The following WDR31 variants were observed in gnomAD, a reference collection of about 807,000 sequenced individuals.
WDR31 encodes WD repeat-containing protein 31.
In WDR31, 30 loss-of-function variants were observed where a neutral mutation model predicts 47.3. The ratio of observed to expected loss-of-function variants is 0.63; its 90% confidence interval spans 0.47 to 0.86. The LOEUF (loss-of-function observed/expected upper bound fraction) is 0.86, where lower values mean the gene tolerates loss of function less well. Among genes scored for constraint, WDR31 ranks in the 40% least tolerant of loss-of-function variants. WDR31 has a pLI of 0.00. For synonymous variants in WDR31, 137 were observed against 159.4 expected (o/e 0.86, Z 1.06); for missense variants, 406 against 442.9 (o/e 0.92, Z 0.75).
intron 4 of WDR31, among the ~76,000 whole-genome samples, chr9:113,329,331 G>GT (rs61111179): frequency 0.069 from 10,076 of 145,606 alleles, 619 homozygotes; most frequent in East Asian, 0.35. Context: ...TTGTTGTGGT[G>GT]TTTTTTTTTT....
At chr9:113,334,703 C>CTTTTTTTT (rs71367719) in intron 2 of WDR31, among the ~76,000 whole-genome samples, 6,101 of 62,144 alleles carry the variant, frequency 0.098, 1 homozygote, top group Non-Finnish European at 0.11. Flanking sequence ...CTACATCAGG[C>CTTTTTTTT]TTTTTTTTTT....
intron 5 of WDR31, among the ~76,000 whole-genome samples, chr9:113,328,254 T>A (rs1442038603): frequency 1.3e-5 from 2 of 152,218 alleles, no homozygotes; most frequent in Admixed American, 6.5e-5. Flanking sequence ...GTGTTCTCTA[T>A]CAGTCTAGTT....
chr9:113,329,582 G>A (rs1422001834), intron 4 of WDR31, among the ~76,000 whole-genome samples: 1 of 152,014 alleles, frequency 6.6e-6, no homozygotes, highest in Non-Finnish European at 1.5e-5. Context: ...GGAGATTGCA[G>A]TGAGCCACCC....
At chr9:113,321,348 T>C (rs1330220070) in intron 8 of WDR31, 163 bp downstream of exon 8, 3 of 656,614 alleles carry the variant, frequency 4.6e-6, no homozygotes, top group African/African-American at 3.7e-5. Context: ...TAATGATCCA[T>C]GGGGCCAAAG....
chr9:113,338,192 T>C (rs1833757823), intron 1 of WDR31, among the ~76,000 whole-genome samples: 1 of 152,234 alleles, frequency 6.6e-6, no homozygotes, highest in Non-Finnish European at 1.5e-5. Flanking sequence ...CTGTTCATAA[T>C]GCACAAATAT....
At position 113,331,108 on chromosome 9, in the gene WDR31, T is replaced by A; in HGVS notation, c.125A>T (p.Asp42Val). 2.9e-6 allele frequency: 4 copies of A among 1,386,560 alleles called. No homozygotes were observed. Among genetic ancestry groups the A allele is most frequent in the Non-Finnish European group, 3.8e-6 (4 of 1,041,682 alleles). The allele number at this position is 1,386,560 out of a possible 1,614,324, so 85.9% of individuals were successfully genotyped here. ...KHSTYKYGRP[D>V]EIIEERIQTK... is the part of the protein sequence containing the mutation. Reference sequence around the variant, plus strand: ...TTGAATTCTCTCTTCTATAATTTCATCAGGCCTGCTAAAAAGAGTATAGAA... The same window carrying A: ...TTGAATTCTCTCTTCTATAATTTCAACAGGCCTGCTAAAAAGAGTATAGAA... Residue 42 changes from aspartate (D) to valine (V), a missense_variant, in exon 4 of 11, where the codon GAT becomes GTT. Physicochemically the swap from Asp to Val is radical, Grantham distance 152. Coordinates refer to ENST00000374193, the MANE Select transcript of WDR31 (RefSeq NM_001012361.4).
chr9:113,324,585 T>G (rs999881887), intron 5 of WDR31, among the ~76,000 whole-genome samples: 1 of 151,920 alleles, frequency 6.6e-6, no homozygotes, highest in Non-Finnish European at 1.5e-5. Flanking sequence ...AGACAGGGTT[T>G]TGCCATGTTG....
intron 8 of WDR31, 124 bp from the exon 9 acceptor site, chr9:113,320,622 A>T: frequency 1.6e-6 from 2 of 1,252,546 alleles, no homozygotes; most frequent in South Asian, 3.3e-5. Flanking sequence ...GAATGGCATG[A>T]TTTACCTAAA....
chr9:113,328,689 T>C lies in WDR31; in HGVS notation c.324+192A>G, dbSNP rs116812224. Among the ~76,000 whole-genome samples the C allele has an allele frequency of 6.0e-3, 912 of 152,358 alleles. 10 individuals carry two copies. The highest frequency in any genetic ancestry group is 0.021 in the African/African-American group (860 of 41,588). On this transcript the variant is annotated intron_variant, in intron 5 of 10. Coordinates refer to ENST00000374193, the MANE Select transcript of WDR31 (RefSeq NM_001012361.4). ...GGGCTTAATGACAAAAGAAAAATTGTGTTCGATATGCCTGTAACAACAACT... is the reference window on the plus strand; with the variant it reads ...GGGCTTAATGACAAAAGAAAAATTGCGTTCGATATGCCTGTAACAACAACT...
At chr9:113,317,014 C>A in intron 10 of WDR31, 105 bp from the exon 11 acceptor site, 1 of 1,360,554 alleles carries the variant, frequency 7.3e-7, no homozygotes. Context: ...CTGTACATAT[C>A]TAACCCGTAT....
At chr9:113,322,368 A>G (rs1447294388) in intron 7 of WDR31, among the ~76,000 whole-genome samples, 1 of 152,128 alleles carries the variant, frequency 6.6e-6, no homozygotes, top group Admixed American at 6.6e-5. Flanking sequence ...TGCTACTAGA[A>G]AACAACTGGT....
At chr9:113,321,011 A>G (rs2118785145) in intron 8 of WDR31, among the ~76,000 whole-genome samples, 1 of 152,226 alleles carries the variant, frequency 6.6e-6, no homozygotes. Flanking sequence ...ACCATTTTCT[A>G]AGGAGAATCT....
chr9:113,321,460 G>A (rs1444032308), intron 8 of WDR31, 51 bp downstream of exon 8: 1 of 1,575,260 alleles, frequency 6.3e-7, no homozygotes, highest in Admixed American at 1.7e-5. Context: ...TGTATGCATG[G>A]GAGCCACAAA....
intron 2 of WDR31, among the ~76,000 whole-genome samples, chr9:113,332,272 G>A (rs559791093): frequency 1.5e-4 from 23 of 152,268 alleles, no homozygotes; most frequent in Admixed American, 1.1e-3. Context: ...ATTGCCATAC[G>A]GTCCAGCCAT....
intron 10 of WDR31, 149 bp downstream of exon 10, chr9:113,318,326 A>G: frequency 1.2e-6 from 1 of 831,730 alleles, no homozygotes; most frequent in East Asian, 2.6e-5. Flanking sequence ...TACAGGGGAT[A>G]GCATCTTGAC....
chr9:113,321,474 CA>C (rs1351677706), intron 8 of WDR31, 36 bp downstream of exon 8: 4 of 1,608,808 alleles, frequency 2.5e-6, no homozygotes, highest in Non-Finnish European at 3.4e-6. Context: ...CCACAAACCT[CA>C]CAAGAAACAC....
chr9:113,326,112 T>C (rs1833459754), intron 5 of WDR31, among the ~76,000 whole-genome samples: 1 of 152,220 alleles, frequency 6.6e-6, no homozygotes, highest in South Asian at 2.1e-4. Context: ...GGTTTCTCCA[T>C]GTTGGTCAGG....
rs151227426 is a variant in WDR31, at chr9:113,334,988, G to A, written c.-29+1300C>T. Among the ~76,000 whole-genome samples the A allele has an allele frequency of 5.3e-3, 808 of 152,196 alleles. 12 individuals are homozygous for A. Among genetic ancestry groups the A allele is most frequent in the Non-Finnish European group, 8.1e-3 (553 of 68,018 alleles). On this transcript the variant is annotated intron_variant, in intron 2 of 10. Coordinates refer to ENST00000374193, the MANE Select transcript of WDR31 (RefSeq NM_001012361.4). ...CTACATAAACAAAACCTCTTTGGGG[G>A]TTCTTAATTTTGAGGAGTGAAAAGA...
chr9:113,325,764 A>G (rs1159113325), intron 5 of WDR31, among the ~76,000 whole-genome samples: 3 of 152,106 alleles, frequency 2.0e-5, no homozygotes, highest in African/African-American at 7.2e-5. Context: ...TAAAACAATT[A>G]CATTTCTTCT....
Sources: allele counts gnomAD v4.1 joint callset (sites outside exome capture counted in the v4.1 genomes callset), GRCh38; gene constraint gnomAD v4.1.1; transcripts MANE v1.5; gene names NCBI Gene and HGNC (gene_info 2026-07-23, HGNC 2026-07-21).